Variants in EHD3 observed in about 807,000 individuals in gnomAD.
EHD3 encodes the protein EH domain-containing protein 3.
Under a neutral mutation model 43.0 loss-of-function variants are expected in EHD3, and 17 were observed. That is an observed-to-expected ratio of 0.40 (90% CI 0.27 to 0.59). EHD3 has a LOEUF of 0.59. Ranked by LOEUF, EHD3 falls within the 20% of genes least tolerant of loss-of-function variation. The pLI is 0.49. For synonymous variants in EHD3, 313 were observed against 289.5 expected, an observed-to-expected ratio of 1.08 and a Z score of -0.82; for missense variants, 594 against 705.6, an observed-to-expected ratio of 0.84 and a Z score of 1.79.
intron 1 of EHD3, among the ~76,000 whole-genome samples, chr2:31,240,204 A>C (rs941888326): frequency 6.6e-6 from 1 of 152,206 alleles, no homozygotes; most frequent in African/African-American, 2.4e-5. Context: ...TGAGGCCGAC[A>C]GGGCAAGTAT....
intron 5 of EHD3, among the ~76,000 whole-genome samples, chr2:31,262,632 T>C (rs777268817): frequency 6.6e-5 from 10 of 152,190 alleles, no homozygotes; most frequent in South Asian, 4.1e-4. Flanking sequence ...ATTAGGAAAT[T>C]AGAGGCCAGG....
At chr2:31,257,033 C>CT (rs1683763924) in intron 3 of EHD3, among the ~76,000 whole-genome samples, 2 of 152,182 alleles carry the variant, frequency 1.3e-5, no homozygotes, top group Non-Finnish European at 2.9e-5. Flanking sequence ...GGAGCTGCAG[C>CT]CCAGTCTTGG....
Position 31,261,701 on chromosome 2 carries a change from G to A in EHD3, c.1068G>A (p.Leu356=), listed in dbSNP as rs1037658441. ...TCTCACCTGGGGACTTCCCCAATCTGAAGAGGATGCAGGTAGCGAGGGCTG... is the reference window on the plus strand; with the variant it reads ...TCTCACCTGGGGACTTCCCCAATCTAAAGAGGATGCAGGTAGCGAGGGCTG... The part of the protein sequence containing the change: ...HQISPGDFPN[L]KRMQDQLQAQ... The change falls in exon 5 of 6, where the codon CTG becomes CTA. Residue 356 remains leucine, a synonymous_variant. Transcript: ENST00000322054. The A allele has an allele frequency of 4.3e-6, 7 of 1,614,070 alleles. No individual in the cohort carries two copies. Among genetic ancestry groups the A allele is most frequent in the Non-Finnish European group, 5.9e-6 (7 of 1,180,018 alleles).
At chr2:31,256,646 G>T (rs1237880300) in intron 3 of EHD3, among the ~76,000 whole-genome samples, 1 of 152,202 alleles carries the variant, frequency 6.6e-6, no homozygotes, top group East Asian at 1.9e-4. Context: ...ATAGGCAGGG[G>T]TCTATCCTGT....
rs754766404 is a variant in EHD3, at chr2:31,267,749, A to T, written c.*1045A>T. On this transcript the variant is annotated 3_prime_UTR_variant, in exon 6 of 6. Coordinates refer to ENST00000322054, the MANE Select transcript of EHD3 (RefSeq NM_014600.3). ...TGATGTATGCAGGATCCCAGCATTGATACCCAATGACAAACTATGGAGAAC... is the reference window on the plus strand; with the variant it reads ...TGATGTATGCAGGATCCCAGCATTGTTACCCAATGACAAACTATGGAGAAC... 6.6e-6 allele frequency: 1 copy of T among 152,268 alleles called. No individual in the cohort carries two copies. The highest frequency in any genetic ancestry group is 1.5e-5 in the Non-Finnish European group (1 of 68,042). 9.4% of individuals were successfully genotyped at this position (152,268 alleles called of 1,614,324 possible). A position where few individuals can be genotyped will look rare whatever the true frequency, so the allele number is the denominator to read the frequency against.
rs770425945 is a variant in EHD3, at chr2:31,268,696, C to A, written c.*1992C>A. On this transcript the variant is annotated 3_prime_UTR_variant, in exon 6 of 6. Coordinates refer to ENST00000322054, the MANE Select transcript of EHD3 (RefSeq NM_014600.3). ...AAATGAAGGGCAGACAAAGGCCAGG[C>A]AAAGAGGTCTCACCTGCTCTGGAGA... 8.5e-5 allele frequency: 13 copies of A among 152,240 alleles called. No individual in the cohort carries two copies. Among genetic ancestry groups the A allele is most frequent in the Non-Finnish European group, 1.8e-4 (12 of 68,064 alleles). 9.4% of individuals were successfully genotyped at this position (152,240 alleles called of 1,614,324 possible). A position where few individuals can be genotyped will look rare whatever the true frequency, so the allele number is the denominator to read the frequency against.
chr2:31,261,823 AGAATCTGCAGG>A, intron 5 of EHD3, 110 bp downstream of exon 5: 2 of 1,326,894 alleles, frequency 1.5e-6, no homozygotes, highest in East Asian at 2.4e-5. Context: ...AACCCCGCCC[AGAATCTGCAGG>A]CAAGGAGGTG....
chr2:31,252,967 G>A (rs1285055094), intron 3 of EHD3, among the ~76,000 whole-genome samples: 1 of 152,182 alleles, frequency 6.6e-6, no homozygotes, highest in Non-Finnish European at 1.5e-5. Context: ...GCACCCTGAG[G>A]AGACCAGGAC....
At position 31,249,397 on chromosome 2, in the gene EHD3, C is replaced by T. The variant is rs1260435464; in HGVS notation, c.431C>T (p.Pro144Leu). The T allele has an allele frequency of 5.0e-6, 8 of 1,614,192 alleles. No homozygotes were observed. Among genetic ancestry groups the T allele is most frequent in the Non-Finnish European group, 6.8e-6 (8 of 1,180,020 alleles). The change falls in exon 3 of 6, where the codon CCT becomes CTT. Residue 144 changes from proline to leucine, a missense_variant. Around this residue, in one of 3 missense-constraint regions of EHD3, gnomAD observed 243 missense variants for 296.7 expected, o/e 0.82. Transcript: ENST00000322054. ...NRFVCAQLPNPVLESISVIDT... is the reference protein window; with the variant it reads ...NRFVCAQLPNLVLESISVIDT... Reference sequence around the variant, plus strand: ...TTCGTGTGTGCCCAGCTACCTAACCCTGTGCTGGAGAGCATCAGCGTCATC... The same window carrying T: ...TTCGTGTGTGCCCAGCTACCTAACCTTGTGCTGGAGAGCATCAGCGTCATC...
rs3731588 is a variant in EHD3, at chr2:31,268,471, A to G, written c.*1767A>G. 1.2e-3 allele frequency: 178 copies of G among 152,442 alleles called. 1 individual carries two copies. In the East Asian group the frequency reaches 0.015, roughly 13 times the overall value. 9.4% of individuals were successfully genotyped at this position (152,442 alleles called of 1,614,324 possible). On this transcript the variant is annotated 3_prime_UTR_variant, in exon 6 of 6. Transcript: ENST00000322054. ...GTTCTTACTTGGAGTTCCTGGTGAA[A>G]TCTTTGGCTGGAAAGGGCTCACTGG...
chr2:31,253,709 C>A (rs1163647491), intron 3 of EHD3, among the ~76,000 whole-genome samples: 3 of 152,090 alleles, frequency 2.0e-5, no homozygotes, highest in African/African-American at 7.2e-5. Flanking sequence ...AGGGTGTGGA[C>A]CCTCTACTGG....
intron 1 of EHD3, 90 bp downstream of exon 1, chr2:31,234,938 C>A: frequency 8.0e-7 from 1 of 1,251,700 alleles, no homozygotes; most frequent in Non-Finnish European, 1.1e-6. Context: ...AGACAGGGGA[C>A]CAATGGGAAG....
intron 5 of EHD3, among the ~76,000 whole-genome samples, chr2:31,261,927 C>T (rs1330056277): frequency 3.3e-5 from 5 of 152,222 alleles, no homozygotes; most frequent in Admixed American, 2.6e-4. Flanking sequence ...CGGAGCCCAC[C>T]GCCCCAGTGG....
intron 3 of EHD3, among the ~76,000 whole-genome samples, chr2:31,250,268 CTT>C (rs34290931): frequency 0.071 from 8,996 of 126,024 alleles, 381 homozygotes; most frequent in African/African-American, 0.15. Flanking sequence ...TCGTTGTTTT[CTT>C]TTTTTTTTTT....
chr2:31,234,519 C>G lies in EHD3; in HGVS notation c.-103C>G. The G allele has an allele frequency of 7.4e-7, 1 of 1,347,704 alleles. No homozygotes were observed. The highest frequency in any genetic ancestry group is 1.0e-6 in the Non-Finnish European group (1 of 981,532). 83.5% of individuals were successfully genotyped at this position (1,347,704 alleles called of 1,614,324 possible). ...GGCTGAGCCCCGCGCTTGGGTGAGGCGGCGGCGCGGCTCGGAGCCCGGCGG... is the reference window on the plus strand; with the variant it reads ...GGCTGAGCCCCGCGCTTGGGTGAGGGGGCGGCGCGGCTCGGAGCCCGGCGG... On this transcript the variant is annotated 5_prime_UTR_variant, in exon 1 of 6. Coordinates refer to ENST00000322054, the MANE Select transcript of EHD3 (RefSeq NM_014600.3).
intron 5 of EHD3, among the ~76,000 whole-genome samples, chr2:31,265,770 C>T (rs561831429): frequency 6.6e-6 from 1 of 152,192 alleles, no homozygotes; most frequent in Non-Finnish European, 1.5e-5. Context: ...AAAGTAGAGG[C>T]CCACATGACC....
In EHD3 at chr2:31,266,377, G is replaced by A. The variant is rs1683951176; in HGVS notation, c.1281G>A (p.Gly427=). 6.2e-7 allele frequency: 1 copy of A among 1,614,046 alleles called. No individual in the cohort carries two copies. Among genetic ancestry groups the A allele is most frequent in the African/African-American group, 1.3e-5 (1 of 74,946 alleles). Residue 427 remains glycine, a synonymous_variant, in exon 6 of 6, where the codon GGG becomes GGA. Transcript: ENST00000322054. This position sits in a 1 kb window ranked among gnomAD's most constrained non-coding sequence, Gnocchi z 5.1. ...TLHGPFGHGY[G]EGAGEGIDDA... ...ACGGCCCCTTTGGGCATGGCTATGG[G>A]GAGGGGGCTGGAGAAGGTATCGATG...
intron 1 of EHD3, 124 bp from the exon 2 acceptor site, chr2:31,244,150 A>G: frequency 1.2e-6 from 1 of 849,340 alleles, no homozygotes; most frequent in South Asian, 3.2e-5. Flanking sequence ...TCTCCCGGCC[A>G]TGAGATCTTG....
intron 1 of EHD3, among the ~76,000 whole-genome samples, chr2:31,237,401 G>T (rs965094080): frequency 2.0e-5 from 3 of 151,906 alleles, no homozygotes; most frequent in Admixed American, 2.0e-4. Flanking sequence ...ATGCTGGCTT[G>T]TTTATTTTTG....
Sources: gnomAD v4.1 joint callset for allele counts (sites outside exome capture counted in the v4.1 genomes callset) on GRCh38, gnomAD v4.1.1 for gene constraint, gnomAD v4.1.1 regional missense constraint, Gnocchi (gnomAD v3.1) non-coding constraint, MANE v1.5 for transcripts, NCBI Gene and HGNC (gene_info 2026-07-23, HGNC 2026-07-21) for gene names.